The following STX8 variants were observed in gnomAD, a reference collection of about 807,000 sequenced individuals.
STX8 encodes the protein syntaxin-8.
Under a neutral mutation model 37.5 loss-of-function variants are expected in STX8, and 23 were observed. The observed-to-expected ratio is 0.61, with a 90% CI of 0.44 to 0.87. The LOEUF is 0.87. Among genes scored for constraint, STX8 ranks in the 40% least tolerant of loss-of-function variants. The probability of loss-of-function intolerance (pLI) is 0.00; values close to 1 mark genes in which losing one functional copy is unlikely to be tolerated. For synonymous variants in STX8, 115 were observed against 99.1 expected (o/e 1.16, Z -0.95); for missense variants, 313 against 284.7 (o/e 1.10, Z -0.71).
rs1446949096 is a variant in STX8, at chr17:9,258,817, G to A, written c.644-8172C>T. On this transcript the variant is annotated intron_variant, in intron 7 of 7. Coordinates refer to ENST00000306357, the MANE Select transcript of STX8 (RefSeq NM_004853.3). ...TGACTCATCAATGGAGTCTCTGCCCGCTCCCCTCTGAGTGTAGCCTCAGCC... is the reference window on the plus strand; with the variant it reads ...TGACTCATCAATGGAGTCTCTGCCCACTCCCCTCTGAGTGTAGCCTCAGCC... Among the ~76,000 whole-genome samples the A allele has an allele frequency of 4.6e-5, 7 of 152,242 alleles. No individual in the cohort carries two copies. In the East Asian group the frequency reaches 7.7e-4, roughly 17 times the overall value.
chr17:9,267,796 A>G (rs1004529648), intron 7 of STX8, among the ~76,000 whole-genome samples: 2 of 152,096 alleles, frequency 1.3e-5, no homozygotes, highest in African/African-American at 4.8e-5. Flanking sequence ...CAAGACCAGC[A>G]TGGCCAACAT....
intron 6 of STX8, among the ~76,000 whole-genome samples, chr17:9,440,441 C>A (rs1201820016): frequency 1.3e-5 from 2 of 152,126 alleles, no homozygotes; most frequent in Non-Finnish European, 2.9e-5. Context: ...CACTTCACCC[C>A]CAATTTACTG....
intron 7 of STX8, among the ~76,000 whole-genome samples, chr17:9,307,364 C>T (rs2142186260): frequency 6.6e-6 from 1 of 152,270 alleles, no homozygotes; most frequent in Non-Finnish European, 1.5e-5. Context: ...AGGGCTGACC[C>T]CCACATGGGG....
chr17:9,542,705 A>AATAC (rs1906333871), intron 4 of STX8, among the ~76,000 whole-genome samples: 1 of 152,018 alleles, frequency 6.6e-6, no homozygotes, highest in African/African-American at 2.4e-5. Flanking sequence ...TAAATAAATA[A>AATAC]ATAAATAAGG....
At chr17:9,255,553 A>AATAT (rs1215113143) in intron 7 of STX8, among the ~76,000 whole-genome samples, 4 of 28,146 alleles carry the variant, frequency 1.4e-4, no homozygotes, top group South Asian at 1.1e-3. Flanking sequence ...TAAATAAATA[A>AATAT]ATATATAAAT....
intron 6 of STX8, among the ~76,000 whole-genome samples, chr17:9,429,207 T>A (rs998407127): frequency 1.3e-5 from 2 of 150,528 alleles, no homozygotes; most frequent in Non-Finnish European, 3.0e-5. Flanking sequence ...TGGAATGTTA[T>A]ACTATTAATT....
intron 4 of STX8, among the ~76,000 whole-genome samples, chr17:9,526,057 A>G (rs1180396617): frequency 1.3e-5 from 2 of 152,188 alleles, no homozygotes; most frequent in African/African-American, 4.8e-5. Context: ...TACTGTCCCT[A>G]CGAACAGGGT....
At chr17:9,427,465 T>C (rs532997982) in intron 6 of STX8, among the ~76,000 whole-genome samples, 1 of 152,262 alleles carries the variant, frequency 6.6e-6, no homozygotes, top group East Asian at 1.9e-4. Flanking sequence ...CTGAAAAATC[T>C]CACATCCTAC....
At chr17:9,450,363 A>G (rs1386331358) in intron 6 of STX8, among the ~76,000 whole-genome samples, 6 of 151,970 alleles carry the variant, frequency 3.9e-5, no homozygotes, top group Admixed American at 2.6e-4. Flanking sequence ...GGTGTGAGCC[A>G]CCACGCCTGA....
At chr17:9,470,635 T>G (rs1905807690) in intron 6 of STX8, among the ~76,000 whole-genome samples, 1 of 152,362 alleles carries the variant, frequency 6.6e-6, no homozygotes, top group South Asian at 2.1e-4. Context: ...CTTTCATTGA[T>G]TCTCCAAACA....
intron 7 of STX8, among the ~76,000 whole-genome samples, chr17:9,370,935 A>AC (rs397776591): frequency 2.0e-5 from 3 of 151,920 alleles, no homozygotes; most frequent in Admixed American, 6.6e-5. Flanking sequence ...AAAAAAAAAA[A>AC]CAGTATTGTT....
chr17:9,319,990 A>C, intron 7 of STX8, among the ~76,000 whole-genome samples: 1 of 151,664 alleles, frequency 6.6e-6, no homozygotes, highest in Non-Finnish European at 1.5e-5. Flanking sequence ...ATAAAAGCAA[A>C]CTGGAAACTC....
intron 6 of STX8, among the ~76,000 whole-genome samples, chr17:9,443,970 T>G (rs1904750176): frequency 6.6e-6 from 1 of 152,196 alleles, no homozygotes; most frequent in South Asian, 2.1e-4. Flanking sequence ...TAACTTCCTG[T>G]GTCATCATGT....
At chr17:9,465,564 G>C (rs1369277747) in intron 6 of STX8, among the ~76,000 whole-genome samples, 1 of 152,206 alleles carries the variant, frequency 6.6e-6, no homozygotes, top group African/African-American at 2.4e-5. Context: ...TATACCCTGA[G>C]ATCAGCCATA....
At chr17:9,498,216 C>A (rs1275856606) in intron 5 of STX8, among the ~76,000 whole-genome samples, 2 of 152,026 alleles carry the variant, frequency 1.3e-5, no homozygotes, top group East Asian at 1.9e-4. Context: ...ATGGCAAAAT[C>A]CTGTCTCTAC....
At chr17:9,358,354 T>C (rs1910950394) in intron 7 of STX8, among the ~76,000 whole-genome samples, 1 of 150,328 alleles carries the variant, frequency 6.7e-6, no homozygotes, top group Non-Finnish European at 1.5e-5. Context: ...ACCCTGTCTC[T>C]AAACAGAAGG....
rs1264013740 is a variant in STX8, at chr17:9,268,005, A to G, written c.644-17360T>C. 2.6e-5 allele frequency among the ~76,000 whole-genome samples: 4 copies of G among 152,046 alleles called. 1 individual carries two copies. The highest frequency in any genetic ancestry group is 1.5e-5 in the Non-Finnish European group (1 of 68,006). On this transcript the variant is annotated intron_variant, in intron 7 of 7. Coordinates refer to ENST00000306357, the MANE Select transcript of STX8 (RefSeq NM_004853.3). The stretch of plus-strand genomic sequence containing the variant: ...AAACTCTGCCTAAAAAGAAAAAAAA[A>G]AAAAAAAAAGCTTAAATTAAGAGCA...
intron 2 of STX8, among the ~76,000 whole-genome samples, chr17:9,559,500 C>T (rs1907119248): frequency 6.6e-6 from 1 of 151,056 alleles, no homozygotes; most frequent in Non-Finnish European, 1.5e-5. Context: ...TAGTACAGTA[C>T]AGGGGAAATT....
intron 7 of STX8, among the ~76,000 whole-genome samples, chr17:9,340,522 C>T (rs1910311907): frequency 6.6e-6 from 1 of 152,066 alleles, no homozygotes; most frequent in African/African-American, 2.4e-5. Context: ...CCTAAATTCA[C>T]AGGATGGAAC....
Sources: gnomAD v4.1 joint callset for allele counts (sites outside exome capture counted in the v4.1 genomes callset) on GRCh38, gnomAD v4.1.1 for gene constraint, MANE v1.5 for transcripts, NCBI Gene and HGNC (gene_info 2026-07-23, HGNC 2026-07-21) for gene names.